TIMM22: variants seen among roughly 807,000 people sequenced by gnomAD.
TIMM22 encodes the protein translocase of inner mitochondrial membrane 22, also known as mitochondrial import inner membrane translocase subunit Tim22.
A neutral mutation model predicts 18.3 loss-of-function variants in TIMM22; 12 were observed. The ratio of observed to expected loss-of-function variants is 0.65; its 90% CI spans 0.42 to 1.06. The LOEUF is 1.06. TIMM22 is among the 50% of genes least tolerant of loss of function. The pLI is 0.00. For synonymous variants in TIMM22, 107 were observed against 98.5 expected, an observed-to-expected ratio of 1.09 and a Z score of -0.51; for missense variants, 278 against 252.8, an observed-to-expected ratio of 1.10 and a Z score of -0.68.
At chr17:999,421 G>GA in intron 2 of TIMM22, 91 bp from the exon 3 acceptor site, 7 of 1,266,260 alleles carry the variant, frequency 5.5e-6, no homozygotes, top group Non-Finnish European at 7.8e-6. Flanking sequence ...GGTAGGGACT[G>GA]AATGAGCTAA....
intron 2 of TIMM22, 107 bp downstream of exon 2, chr17:999,082 A>G (rs2586238): frequency 0.55 from 653,956 of 1,192,902 alleles, 180,375 homozygotes; most frequent in African/African-American, 0.69. Flanking sequence ...CTAGAAAGCA[A>G]ATCAGAAGCA....
intron 3 of TIMM22, among the ~76,000 whole-genome samples, chr17:999,860 C>T (rs1176184280): frequency 6.6e-6 from 1 of 152,014 alleles, no homozygotes; most frequent in African/African-American, 2.4e-5. Flanking sequence ...TCCCTGGCCT[C>T]TACCCACGAG....
chr17:1,002,973 A>G lies in TIMM22; in HGVS notation c.*1885A>G, dbSNP rs769375393. 6 of 152,018 alleles carry G rather than the reference A, an allele frequency of 3.9e-5. No individual in the cohort carries two copies. The highest frequency in any genetic ancestry group is 8.8e-5 in the Non-Finnish European group (6 of 68,006). 9.4% of individuals were successfully genotyped at this position (152,018 alleles called of 1,614,324 possible). On this transcript the variant is annotated 3_prime_UTR_variant, in exon 4 of 4. Transcript: ENST00000327158. ...GTATGAGCTCATAAACCAAACAGCA[A>G]TTTTCAGAGACATCTGTTCCTGATC...
chr17:999,696 C>T, intron 3 of TIMM22, 112 bp downstream of exon 3: 2 of 1,021,260 alleles, frequency 2.0e-6, no homozygotes, highest in Admixed American at 2.2e-5. Flanking sequence ...TTCCCTCTGA[C>T]AAATAAATCA....
intron 2 of TIMM22, 28 bp from the exon 3 acceptor site, chr17:999,484 G>A (rs1407017423): frequency 6.2e-7 from 1 of 1,611,380 alleles, no homozygotes; most frequent in East Asian, 2.2e-5. Context: ...TGTTTCTTTG[G>A]CTCTAACGTG....
In TIMM22 at chr17:997,242, G is replaced by A; in HGVS notation, c.100G>A (p.Gly34Ser). The change falls in exon 1 of 4, where the codon GGT becomes AGT. Residue 34 changes from glycine to serine, a missense_variant. Gly to Ser is a moderately conservative substitution (Grantham distance 56). Transcript: ENST00000327158. ...QYSLLLQYLVGDKRQPRLLEP... is the reference protein window; with the variant it reads ...QYSLLLQYLVSDKRQPRLLEP... ...CAGCCTGCTCCTGCAGTACCTGGTGGGTGACAAGCGTCAGCCCCGGCTCCT... is the reference window on the plus strand; with the variant it reads ...CAGCCTGCTCCTGCAGTACCTGGTGAGTGACAAGCGTCAGCCCCGGCTCCT... 1 of 1,613,514 alleles carries A rather than the reference G, an allele frequency of 6.2e-7. No homozygotes were observed. The highest frequency in any genetic ancestry group is 8.5e-7 in the Non-Finnish European group (1 of 1,179,958).
intron 3 of TIMM22, 27 bp downstream of exon 3, chr17:999,611 T>C: frequency 1.2e-6 from 2 of 1,610,024 alleles, no homozygotes; most frequent in South Asian, 2.2e-5. Context: ...CGAATGCTTT[T>C]TCTTTGTGGC....
intron 3 of TIMM22, among the ~76,000 whole-genome samples, chr17:1,000,649 C>T (rs1043301349): frequency 2.0e-5 from 3 of 152,186 alleles, no homozygotes; most frequent in African/African-American, 7.2e-5. Flanking sequence ...TCTGCTGTCT[C>T]CAGTACTGCT....
chr17:999,331 A>G (rs1040689829), intron 2 of TIMM22, among the ~76,000 whole-genome samples, 181 bp from the exon 3 acceptor site: 6 of 116,170 alleles, frequency 5.2e-5, no homozygotes, highest in African/African-American at 2.3e-4. Flanking sequence ...TACTATATAT[A>G]TATATATATA....
At chr17:997,520 G>A (rs1413426883) in intron 1 of TIMM22, 140 bp downstream of exon 1, 2 of 811,646 alleles carry the variant, frequency 2.5e-6, no homozygotes, top group Non-Finnish European at 3.8e-6. Flanking sequence ...TCGTGAATCG[G>A]GCGTCACCTC....
intron 1 of TIMM22, among the ~76,000 whole-genome samples, chr17:997,595 G>A (rs1242628833): frequency 6.6e-6 from 1 of 152,184 alleles, no homozygotes; most frequent in Non-Finnish European, 1.5e-5. Context: ...TGTGGTTGGG[G>A]CCTGAAAGTT....
chr17:999,662 G>A, intron 3 of TIMM22, 78 bp downstream of exon 3: 1 of 1,309,564 alleles, frequency 7.6e-7, no homozygotes, highest in Non-Finnish European at 1.1e-6. Context: ...AAACACACGA[G>A]TGTTCCAGGG....
intron 2 of TIMM22, 76 bp downstream of exon 2, chr17:999,051 A>T: frequency 6.7e-7 from 1 of 1,481,958 alleles, no homozygotes; most frequent in Non-Finnish European, 9.1e-7. Flanking sequence ...TTGCTCTTTA[A>T]AAGTCATTTG....
At chr17:999,998 C>T (rs2069727169) in intron 3 of TIMM22, among the ~76,000 whole-genome samples, 1 of 152,126 alleles carries the variant, frequency 6.6e-6, no homozygotes, top group African/African-American at 2.4e-5. Context: ...CTCCTGGGTT[C>T]AAGCGATTCC....
chr17:999,646 A>G, intron 3 of TIMM22, 62 bp downstream of exon 3: 10 of 1,476,930 alleles, frequency 6.8e-6, no homozygotes, highest in South Asian at 2.3e-5. Context: ...TGAGGTTGTC[A>G]TTTCCAAACA....
At chr17:999,358 T>TATATATATATATATATATATACATACAC (rs1408779709) in intron 2 of TIMM22, among the ~76,000 whole-genome samples, 154 bp from the exon 3 acceptor site, 5 of 132,602 alleles carry the variant, frequency 3.8e-5, no homozygotes, top group African/African-American at 1.6e-4. Flanking sequence ...TATATATATA[T>TATATATATATATATATATATACATACAC]ACACGCTGTA....
Position 1,003,295 on chromosome 17 carries a change from G to C in TIMM22, c.*2207G>C, listed in dbSNP as rs1195947235. 6.6e-6 allele frequency: 1 copy of C among 152,262 alleles called. No homozygotes were observed. The highest frequency in any genetic ancestry group is 2.4e-5 in the African/African-American group (1 of 41,464). 9.4% of individuals were successfully genotyped at this position (152,262 alleles called of 1,614,324 possible). A position where few individuals can be genotyped will look rare whatever the true frequency, so the allele number is the denominator to read the frequency against. On this transcript the variant is annotated 3_prime_UTR_variant, in exon 4 of 4. Coordinates refer to ENST00000327158, the MANE Select transcript of TIMM22 (RefSeq NM_013337.4). The stretch of plus-strand genomic sequence containing the variant: ...GCAAAGGTGAGCCAGAAGCAGCCTG[G>C]ATGCTGGCTGATCCGGAGGCCTTTG...
Position 1,001,221 on chromosome 17 carries a change from C to G in TIMM22, c.*133C>G, listed in dbSNP as rs191495764. On this transcript the variant is annotated 3_prime_UTR_variant, in exon 4 of 4. Coordinates refer to ENST00000327158, the MANE Select transcript of TIMM22 (RefSeq NM_013337.4). ...CATTTTCCCTCATGTCGTTGGTATTCTGAGGGAGCTGCCTGGCTTCTCTGC... is the reference window on the plus strand; with the variant it reads ...CATTTTCCCTCATGTCGTTGGTATTGTGAGGGAGCTGCCTGGCTTCTCTGC... 1.0e-6 allele frequency: 1 copy of G among 971,810 alleles called. No homozygotes were observed. The highest frequency in any genetic ancestry group is 2.1e-5 in the Admixed American group (1 of 47,544). 60.2% of individuals were successfully genotyped at this position (971,810 alleles called of 1,614,324 possible). A position where few individuals can be genotyped will look rare whatever the true frequency, so the allele number is the denominator to read the frequency against.
At chr17:999,012 GC>G (rs2069713320) in intron 2 of TIMM22, 37 bp downstream of exon 2, 6 of 1,569,712 alleles carry the variant, frequency 3.8e-6, no homozygotes, top group Non-Finnish European at 5.2e-6. Flanking sequence ...CCTTGCTGGG[GC>G]CACCATTTCA....
Sources: allele counts gnomAD v4.1 joint callset (sites outside exome capture counted in the v4.1 genomes callset), GRCh38; gene constraint gnomAD v4.1.1; transcripts MANE v1.5; gene names NCBI Gene and HGNC (gene_info 2026-07-23, HGNC 2026-07-21).